Variants in MAGI2 observed in about 807,000 individuals in gnomAD.
MAGI2 encodes membrane associated guanylate kinase, WW and PDZ domain containing 2.
A neutral mutation model predicts 133.3 loss-of-function variants in MAGI2; 35 were observed. That is an observed-to-expected ratio of 0.26 (90% confidence interval 0.20 to 0.35). The LOEUF is 0.35. MAGI2 is among the 10% of genes least tolerant of loss of function. MAGI2 has a pLI of 1.00. For synonymous variants in MAGI2, 729 were observed against 710.6 expected, an observed-to-expected ratio of 1.03 and a Z score of -0.41; for missense variants, 1,636 against 1,863.4, an observed-to-expected ratio of 0.88 and a Z score of 2.25.
chr7:79,437,477 C>A (rs1848228568), intron 1 of MAGI2, among the ~76,000 whole-genome samples: 1 of 151,756 alleles, frequency 6.6e-6, no homozygotes, highest in African/African-American at 2.4e-5. Context: ...GTAAACTAAG[C>A]TTTCAAAAAG....
At chr7:78,453,988 A>G (rs1652649703) in intron 6 of MAGI2, among the ~76,000 whole-genome samples, 1 of 152,088 alleles carries the variant, frequency 6.6e-6, no homozygotes, top group South Asian at 2.1e-4. Flanking sequence ...TAAAATCGGG[A>G]TAATTGGGAT....
chr7:78,936,022 T>C (rs971162500), intron 2 of MAGI2, among the ~76,000 whole-genome samples: 1 of 152,110 alleles, frequency 6.6e-6, no homozygotes, highest in Non-Finnish European at 1.5e-5. Context: ...ATTTCATGTC[T>C]TCCGTTACAA....
intron 1 of MAGI2, among the ~76,000 whole-genome samples, chr7:79,448,967 C>T (rs1267200056): frequency 2.0e-5 from 3 of 152,012 alleles, no homozygotes; most frequent in Admixed American, 6.5e-5. Flanking sequence ...CCAAGAGAAC[C>T]GTCTCATTAA....
chr7:78,242,770 T>C (rs925609857), intron 10 of MAGI2, among the ~76,000 whole-genome samples: 6 of 152,166 alleles, frequency 3.9e-5, no homozygotes, highest in Middle Eastern at 3.2e-3. Flanking sequence ...TGGTGGTTTT[T>C]AAATTGTAAG....
intron 4 of MAGI2, among the ~76,000 whole-genome samples, chr7:78,505,505 T>C (rs1379353446): frequency 6.6e-6 from 1 of 152,182 alleles, no homozygotes; most frequent in Non-Finnish European, 1.5e-5. Flanking sequence ...CAACATGTAA[T>C]TATACATACT....
chr7:78,589,486 A>G (rs537371943), intron 3 of MAGI2, among the ~76,000 whole-genome samples: 2 of 152,280 alleles, frequency 1.3e-5, no homozygotes, highest in East Asian at 3.9e-4. Context: ...CTGCTATCCT[A>G]TATTACCACT....
At chr7:78,422,064 A>C (rs1197171196) in intron 6 of MAGI2, among the ~76,000 whole-genome samples, 1 of 152,182 alleles carries the variant, frequency 6.6e-6, no homozygotes, top group Non-Finnish European at 1.5e-5. Context: ...CTACACTTAC[A>C]ACTTGCCTCT....
intron 2 of MAGI2, among the ~76,000 whole-genome samples, chr7:78,885,841 A>T (rs1335596630): frequency 1.3e-5 from 2 of 152,164 alleles, no homozygotes; most frequent in East Asian, 3.9e-4. Context: ...TAGGAAGAGA[A>T]GCTAGTTCTA....
chr7:79,259,238 A>G (rs1833910456), intron 1 of MAGI2, among the ~76,000 whole-genome samples: 1 of 152,256 alleles, frequency 6.6e-6, no homozygotes, highest in East Asian at 1.9e-4. Context: ...ATAGTAGGAT[A>G]GTAAATTCCT....
chr7:78,442,324 T>C (rs2885552), intron 6 of MAGI2, among the ~76,000 whole-genome samples: 136,603 of 152,230 alleles, frequency 0.9, 62,365 homozygotes, highest in East Asian at 0.98. Flanking sequence ...ATACGAATCA[T>C]CATCTTGGTA....
At chr7:78,195,226 A>T (rs1828612983) in intron 11 of MAGI2, among the ~76,000 whole-genome samples, 163 bp from the exon 12 acceptor site, 1 of 152,226 alleles carries the variant, frequency 6.6e-6, no homozygotes, top group Non-Finnish European at 1.5e-5. Flanking sequence ...TGTCTATGTA[A>T]GACAACATCA....
chr7:78,129,400 C>G (rs1415911036), intron 18 of MAGI2, among the ~76,000 whole-genome samples: 5 of 152,160 alleles, frequency 3.3e-5, no homozygotes, highest in African/African-American at 1.2e-4. Flanking sequence ...AATTATGTTG[C>G]TTTGAATGTG....
chr7:79,313,508 T>A (rs17152224), intron 1 of MAGI2, among the ~76,000 whole-genome samples: 7,606 of 152,122 alleles, frequency 0.05, 329 homozygotes, highest in African/African-American at 0.12. Flanking sequence ...GAATGATTAA[T>A]CTCCAACTAT....
chr7:79,253,162 T>C (rs1833442061), intron 1 of MAGI2, among the ~76,000 whole-genome samples: 2 of 152,212 alleles, frequency 1.3e-5, no homozygotes, highest in African/African-American at 2.4e-5. Flanking sequence ...GTCATTTTTA[T>C]TATATGAGCT....
intron 1 of MAGI2, among the ~76,000 whole-genome samples, chr7:79,334,882 A>G (rs1840329091): frequency 6.6e-6 from 1 of 152,182 alleles, no homozygotes; most frequent in Admixed American, 6.5e-5. Context: ...ATTCAATTAC[A>G]TATGTATGAC....
chr7:78,717,748 G>A (rs1363809892), intron 2 of MAGI2, among the ~76,000 whole-genome samples: 1 of 152,022 alleles, frequency 6.6e-6, no homozygotes, highest in African/African-American at 2.4e-5. Context: ...GTACAAATCA[G>A]GAACCTAAGC....
intron 1 of MAGI2, chr7:79,412,929 A>C (rs951061761): frequency 4.6e-5 from 7 of 152,150 alleles, no homozygotes; most frequent in African/African-American, 1.7e-4. Flanking sequence ...ATCTTATCAA[A>C]TGCCTTTTGA....
chr7:78,148,216 GA>G (rs1823513329), intron 16 of MAGI2, among the ~76,000 whole-genome samples: 1 of 152,164 alleles, frequency 6.6e-6, no homozygotes, highest in East Asian at 1.9e-4. Context: ...AATTGAAAAT[GA>G]AACAAATATT....
chr7:79,022,937 G>C (rs1247208381), intron 1 of MAGI2, among the ~76,000 whole-genome samples: 1 of 151,898 alleles, frequency 6.6e-6, no homozygotes, highest in African/African-American at 2.4e-5. Context: ...GGAAGAGCTG[G>C]TACTATTCTA....
Sources: allele counts gnomAD v4.1 joint callset (sites outside exome capture counted in the v4.1 genomes callset), GRCh38; gene constraint gnomAD v4.1.1; transcripts MANE v1.5; gene names NCBI Gene and HGNC (gene_info 2026-07-23, HGNC 2026-07-21).